EYS: variants seen among roughly 807,000 people sequenced by gnomAD.
EYS encodes EGF-like photoreceptor maintenance factor.
EYS carries 250 observed loss-of-function variants against 282.1 expected under a neutral mutation model. The ratio of observed to expected loss-of-function variants is 0.89; its 90% CI spans 0.80 to 0.98. EYS has a LOEUF of 0.98. EYS is among the 50% of genes least tolerant of loss of function. The pLI is 0.00. For synonymous variants in EYS, 1,355 were observed against 1,282.9 expected, an observed-to-expected ratio of 1.06 and a Z score of -1.20; for missense variants, 4,016 against 3,709.0, an observed-to-expected ratio of 1.08 and a Z score of -2.15.
chr6:65,400,147 G>A (rs368610342), intron 7 of EYS, among the ~76,000 whole-genome samples: 164 of 152,094 alleles, frequency 1.1e-3, no homozygotes, highest in African/African-American at 3.5e-3. Context: ...TTTTGTAGAC[G>A]GAAAGCAGTA....
At chr6:65,483,456 A>G (rs1311069361) in intron 5 of EYS, among the ~76,000 whole-genome samples, 1 of 152,160 alleles carries the variant, frequency 6.6e-6, no homozygotes, top group Non-Finnish European at 1.5e-5. Flanking sequence ...CATAATGGCT[A>G]ATTTTATAAT....
At chr6:64,630,977 T>A (rs535139680) in intron 22 of EYS, among the ~76,000 whole-genome samples, 2 of 152,330 alleles carry the variant, frequency 1.3e-5, no homozygotes, top group Non-Finnish European at 2.9e-5. Context: ...TTTAATAGAA[T>A]GTCTGACGGA....
intron 35 of EYS, among the ~76,000 whole-genome samples, chr6:63,924,761 C>G (rs979362539): frequency 6.6e-6 from 1 of 152,174 alleles, no homozygotes; most frequent in Non-Finnish European, 1.5e-5. Context: ...ATGGCCAAGA[C>G]AGAATGAATA....
chr6:64,329,381 G>C (rs1469398579), intron 29 of EYS, among the ~76,000 whole-genome samples: 1 of 152,082 alleles, frequency 6.6e-6, no homozygotes, highest in South Asian at 2.1e-4. Flanking sequence ...CACTAGAAGG[G>C]GACATGACTC....
intron 5 of EYS, among the ~76,000 whole-genome samples, chr6:65,486,336 A>G (rs1357327285): frequency 6.6e-6 from 1 of 152,192 alleles, no homozygotes; most frequent in Non-Finnish European, 1.5e-5. Flanking sequence ...CAAAGTTTAG[A>G]AATGTTTAAG....
intron 5 of EYS, among the ~76,000 whole-genome samples, chr6:65,473,847 CA>C (rs377100286): frequency 0.026 from 3,065 of 117,724 alleles, 92 homozygotes; most frequent in African/African-American, 0.088. Flanking sequence ...ATTTTTGTCT[CA>C]AAAAAAAAAA....
intron 12 of EYS, among the ~76,000 whole-genome samples, chr6:65,137,989 A>G (rs1261839553): frequency 6.6e-6 from 1 of 152,090 alleles, no homozygotes; most frequent in Non-Finnish European, 1.5e-5. Context: ...TAATGCCTAA[A>G]TAAAAAAAGA....
intron 42 of EYS, among the ~76,000 whole-genome samples, chr6:63,725,972 G>T (rs907804216): frequency 1.3e-5 from 2 of 151,914 alleles, no homozygotes; most frequent in Non-Finnish European, 2.9e-5. Context: ...GGATATCAAG[G>T]GTAAAGTAAA....
At chr6:65,033,469 G>A (rs566712218) in intron 13 of EYS, among the ~76,000 whole-genome samples, 10 of 152,222 alleles carry the variant, frequency 6.6e-5, no homozygotes, top group South Asian at 2.1e-4. Flanking sequence ...TTCATAGGCC[G>A]GTCACAAGGC....
At chr6:64,216,362 T>C (rs1765927116) in intron 31 of EYS, among the ~76,000 whole-genome samples, 1 of 152,242 alleles carries the variant, frequency 6.6e-6, no homozygotes, top group African/African-American at 2.4e-5. Context: ...CAGCATCTTT[T>C]ATCCCCAAAT....
At chr6:64,347,392 T>C (rs1302490833) in intron 29 of EYS, among the ~76,000 whole-genome samples, 2 of 151,460 alleles carry the variant, frequency 1.3e-5, no homozygotes, top group African/African-American at 4.8e-5. Flanking sequence ...TATAGAAATG[T>C]GTATAGAATA....
chr6:65,301,538 A>G (rs1768826614), intron 11 of EYS, among the ~76,000 whole-genome samples: 1 of 152,206 alleles, frequency 6.6e-6, no homozygotes, highest in South Asian at 2.1e-4. Flanking sequence ...CGGCCAAGCG[A>G]GAAGAAAGAC....
intron 5 of EYS, among the ~76,000 whole-genome samples, chr6:65,406,851 C>T (rs1394260606): frequency 6.6e-6 from 1 of 152,024 alleles, no homozygotes; most frequent in Non-Finnish European, 1.5e-5. Context: ...CAGATAAATA[C>T]ATAATGCATA....
At chr6:64,709,201 T>C (rs1384649741) in intron 22 of EYS, among the ~76,000 whole-genome samples, 2 of 152,240 alleles carry the variant, frequency 1.3e-5, no homozygotes, top group African/African-American at 4.8e-5. Context: ...CAAATAAGCA[T>C]GTATATTTTT....
intron 5 of EYS, among the ~76,000 whole-genome samples, chr6:65,453,091 C>T (rs149087400): frequency 3.3e-5 from 5 of 152,056 alleles, no homozygotes; most frequent in African/African-American, 1.2e-4. Flanking sequence ...GTCTAATATA[C>T]CCTAAAAGAA....
chr6:64,927,846 C>G (rs763542164), intron 15 of EYS, among the ~76,000 whole-genome samples: 1 of 151,820 alleles, frequency 6.6e-6, no homozygotes, highest in Non-Finnish European at 1.5e-5. Flanking sequence ...ATTTAATTTA[C>G]ATTTAAAGAT....
chr6:64,779,282 T>A (rs1424479339), intron 22 of EYS, among the ~76,000 whole-genome samples: 2 of 152,164 alleles, frequency 1.3e-5, no homozygotes, highest in African/African-American at 4.8e-5. Context: ...AACTGAAGTA[T>A]ATCTATACAA....
intron 12 of EYS, among the ~76,000 whole-genome samples, chr6:65,278,047 C>CTTTT (rs1562067561): frequency 1.4e-5 from 2 of 142,130 alleles, no homozygotes; most frequent in African/African-American, 5.2e-5. Flanking sequence ...CTTTTCTTTT[C>CTTTT]TTTTCTTTTC....
intron 1 of EYS, among the ~76,000 whole-genome samples, chr6:65,658,440 C>A (rs143365789): frequency 8.6e-4 from 130 of 151,678 alleles, no homozygotes; most frequent in Non-Finnish European, 1.6e-3. Flanking sequence ...AATATTCCTG[C>A]AACTCTTCCA....
Sources: allele counts gnomAD v4.1 joint callset (sites outside exome capture counted in the v4.1 genomes callset), GRCh38; gene constraint gnomAD v4.1.1; transcripts MANE v1.5; gene names NCBI Gene and HGNC (gene_info 2026-07-23, HGNC 2026-07-21).